BICRAL: variants seen among roughly 807,000 people sequenced by gnomAD.
The protein encoded by BICRAL is BRD4-interacting chromatin-remodeling complex-associated protein-like.
BICRAL carries 8 observed loss-of-function variants against 91.8 expected under a neutral mutation model. The observed-to-expected ratio is 0.09, with a 90% CI of 0.05 to 0.16. BICRAL has a LOEUF of 0.16. BICRAL is among the 10% of genes least tolerant of loss of function. BICRAL has a pLI of 1.00. For synonymous variants in BICRAL, 445 were observed against 491.1 expected (o/e 0.91, Z 1.24); for missense variants, 1,038 against 1,310.9 (o/e 0.79, Z 3.21).
chr6:42,754,258 A>G (rs1163433270), intron 1 of BICRAL, among the ~76,000 whole-genome samples: 1 of 150,184 alleles, frequency 6.7e-6, no homozygotes, highest in Non-Finnish European at 1.5e-5. Flanking sequence ...TGCAAGCTCC[A>G]CCTCCCGAGT....
intron 6 of BICRAL, among the ~76,000 whole-genome samples, chr6:42,842,571 TAC>T (rs1277075271): frequency 6.6e-6 from 1 of 152,146 alleles, no homozygotes; most frequent in Non-Finnish European, 1.5e-5. Flanking sequence ...TTGATGGGTA[TAC>T]ATTGAATGTC....
At chr6:42,814,862 C>A (rs779956246) in intron 2 of BICRAL, among the ~76,000 whole-genome samples, 2 of 151,766 alleles carry the variant, frequency 1.3e-5, no homozygotes, top group Non-Finnish European at 2.9e-5. Context: ...ATAGTGGCCA[C>A]ATACCAAATT....
At chr6:42,773,198 C>G (rs944641439) in intron 1 of BICRAL, among the ~76,000 whole-genome samples, 13 of 151,392 alleles carry the variant, frequency 8.6e-5, no homozygotes, top group Admixed American at 6.6e-4. Flanking sequence ...TCCGCCTCAG[C>G]CTCCTGAGTA....
At position 42,852,422 on chromosome 6, in the gene BICRAL, G is replaced by T. The variant is rs893448981; in HGVS notation, c.1945+225G>T. 1.1e-5 allele frequency: 7 copies of T among 637,880 alleles called. No homozygotes were observed. In the East Asian group the frequency reaches 2.2e-4, roughly 20 times the overall value. 39.5% of individuals were successfully genotyped at this position (637,880 alleles called of 1,614,324 possible). A position where few individuals can be genotyped will look rare whatever the true frequency, so the allele number is the denominator to read the frequency against. The stretch of plus-strand genomic sequence containing the variant: ...CACGCCTGTAATGCCAGCACTTTGG[G>T]AGGCCAAGGAGAGTGGATCACCTGA... On this transcript the variant is annotated intron_variant, in intron 7 of 12. Transcript: ENST00000314073.
At chr6:42,818,966 G>A (rs2113934148) in intron 2 of BICRAL, among the ~76,000 whole-genome samples, 1 of 152,052 alleles carries the variant, frequency 6.6e-6, no homozygotes, top group African/African-American at 2.4e-5. Flanking sequence ...CTCTTGGGGT[G>A]CCTACAGCCC....
intron 6 of BICRAL, among the ~76,000 whole-genome samples, chr6:42,850,307 G>C (rs903158737): frequency 2.0e-5 from 3 of 152,078 alleles, no homozygotes; most frequent in Non-Finnish European, 2.9e-5. Flanking sequence ...ATCACCTGAG[G>C]TCAGGAGTTG....
At chr6:42,849,466 G>T (rs1765113233) in intron 6 of BICRAL, among the ~76,000 whole-genome samples, 1 of 140,512 alleles carries the variant, frequency 7.1e-6, no homozygotes, top group Non-Finnish European at 1.5e-5. Flanking sequence ...TTTTGAGACA[G>T]TCTCACTCTG....
intron 1 of BICRAL, among the ~76,000 whole-genome samples, chr6:42,797,825 A>C (rs1763456231): frequency 6.6e-6 from 1 of 152,034 alleles, no homozygotes; most frequent in Non-Finnish European, 1.5e-5. Context: ...AAATTGCAAA[A>C]ATTAGCCGGG....
At chr6:42,847,515 C>T (rs1202180696) in intron 6 of BICRAL, among the ~76,000 whole-genome samples, 8 of 151,958 alleles carry the variant, frequency 5.3e-5, no homozygotes, top group East Asian at 1.9e-4. Flanking sequence ...CGGTGGCTCA[C>T]GCCTATAATC....
chr6:42,762,889 C>A (rs919798480), intron 1 of BICRAL, among the ~76,000 whole-genome samples: 1 of 151,498 alleles, frequency 6.6e-6, no homozygotes, highest in African/African-American at 2.4e-5. Context: ...ATCATACCCA[C>A]TGCACTCCAG....
intron 6 of BICRAL, among the ~76,000 whole-genome samples, chr6:42,841,214 G>T (rs1446140905): frequency 7.7e-6 from 1 of 130,032 alleles, no homozygotes; most frequent in Non-Finnish European, 1.6e-5. Context: ...TTTTGAGATG[G>T]GGTCTCACTT....
chr6:42,804,718 A>T (rs1416446026), intron 1 of BICRAL, among the ~76,000 whole-genome samples: 5 of 152,228 alleles, frequency 3.3e-5, no homozygotes, highest in Admixed American at 2.0e-4. Context: ...GAGGCTAGCT[A>T]GTGCCTATTG....
upstream of BICRAL, among the ~76,000 whole-genome samples, chr6:42,777,689 A>ACACTTT (rs1057482523): frequency 8.5e-5 from 13 of 152,134 alleles, no homozygotes; most frequent in African/African-American, 3.1e-4. Flanking sequence ...AAAAAGAAAA[A>ACACTTT]CACTTTCACT....
chr6:42,788,604 A>G (rs1489015284), intron 1 of BICRAL, among the ~76,000 whole-genome samples: 1 of 152,314 alleles, frequency 6.6e-6, no homozygotes, highest in South Asian at 2.1e-4. Context: ...GTGGCAGAAG[A>G]CAAAGAATGG....
At position 42,853,624 on chromosome 6, in the gene BICRAL, A is replaced by G; in HGVS notation, c.1946-14A>G. On this transcript the variant is annotated splice_polypyrimidine_tract_variant and intron_variant, in intron 7 of 12. Coordinates refer to ENST00000314073, the MANE Select transcript of BICRAL (RefSeq NM_001393499.1). Reference sequence around the variant, plus strand: ...GTTTCTTTTGAACACTGTCTCATGTATTAATTCTAATAGGGCAGGATTCTG... The same window carrying G: ...GTTTCTTTTGAACACTGTCTCATGTGTTAATTCTAATAGGGCAGGATTCTG... 1.9e-6 allele frequency: 3 copies of G among 1,585,570 alleles called. No individual in the cohort carries two copies. The highest frequency in any genetic ancestry group is 2.6e-6 in the Non-Finnish European group (3 of 1,153,946).
chr6:42,808,682 G>C (rs1022989852), intron 1 of BICRAL, among the ~76,000 whole-genome samples: 4 of 152,106 alleles, frequency 2.6e-5, no homozygotes, highest in Non-Finnish European at 5.9e-5. Flanking sequence ...GTGTGTGTGG[G>C]GGAGAGATGG....
At chr6:42,823,694 C>T (rs1378860590) in intron 5 of BICRAL, among the ~76,000 whole-genome samples, 2 of 152,002 alleles carry the variant, frequency 1.3e-5, no homozygotes, top group Non-Finnish European at 2.9e-5. Flanking sequence ...GAGGCCGAGG[C>T]AGGTGGATCA....
intron 1 of BICRAL, among the ~76,000 whole-genome samples, chr6:42,798,716 G>A (rs1763487225): frequency 6.6e-6 from 1 of 152,094 alleles, no homozygotes; most frequent in Admixed American, 6.6e-5. Context: ...AAAAAATTGT[G>A]TAGTGTTTGC....
At chr6:42,817,770 A>G (rs1242725070) in intron 2 of BICRAL, among the ~76,000 whole-genome samples, 3 of 151,948 alleles carry the variant, frequency 2.0e-5, no homozygotes. Flanking sequence ...CTTTGTTAAA[A>G]CCAATTAATA....
Sources: gnomAD v4.1 joint callset for allele counts (sites outside exome capture counted in the v4.1 genomes callset) on GRCh38, gnomAD v4.1.1 for gene constraint, MANE v1.5 for transcripts, NCBI Gene and HGNC (gene_info 2026-07-23, HGNC 2026-07-21) for gene names.